UBE2E2: variants seen among roughly 807,000 people sequenced by gnomAD.
The protein encoded by UBE2E2 is ubiquitin conjugating enzyme E2 E2, also known as ubiquitin-conjugating enzyme E2 E2.
UBE2E2 carries 6 observed loss-of-function variants against 24.7 expected under a neutral mutation model. The observed-to-expected ratio is 0.24, with a 90% CI of 0.13 to 0.48. The LOEUF is 0.48. UBE2E2 is among the 20% of genes least tolerant of loss of function. The pLI is 0.99. For synonymous variants in UBE2E2, 104 were observed against 83.6 expected (o/e 1.24, Z -1.33); for missense variants, 169 against 245.0 (o/e 0.69, Z 2.07).
intron 3 of UBE2E2, among the ~76,000 whole-genome samples, chr3:23,470,587 T>C (rs1337915147): frequency 6.6e-6 from 1 of 152,216 alleles, no homozygotes; most frequent in Admixed American, 6.5e-5. Context: ...CTGAGATTAC[T>C]TTAAGTCTTT....
intron 3 of UBE2E2, among the ~76,000 whole-genome samples, chr3:23,488,595 C>T (rs1000916052): frequency 4.6e-5 from 7 of 151,992 alleles, no homozygotes; most frequent in African/African-American, 7.3e-5. Context: ...AGAATGATAC[C>T]GGGAAGCTTT....
intron 4 of UBE2E2, among the ~76,000 whole-genome samples, chr3:23,524,553 G>C (rs1694947168): frequency 6.6e-6 from 1 of 152,124 alleles, no homozygotes; most frequent in African/African-American, 2.4e-5. Flanking sequence ...CCCAAGTCCA[G>C]CTAACTCCCA....
chr3:23,506,254 C>T (rs1391756), intron 4 of UBE2E2, among the ~76,000 whole-genome samples: 1 of 152,068 alleles, frequency 6.6e-6, no homozygotes, highest in African/African-American at 2.4e-5. Context: ...TTCTTTCTTA[C>T]ATTTTGAATT....
chr3:23,222,302 G>A lies in UBE2E2; in HGVS notation c.227+4990G>A, dbSNP rs140190155. Among the ~76,000 whole-genome samples, 388 of 152,240 alleles carry A rather than the reference G, an allele frequency of 2.5e-3. 3 individuals are homozygous for A. The highest frequency in any genetic ancestry group is 8.9e-3 in the African/African-American group (371 of 41,546). ...TTTAGCTATTGTGAATGGTACTTGGGTAAACATGGAGGTGCAGATATCTCT... is the reference window on the plus strand; with the variant it reads ...TTTAGCTATTGTGAATGGTACTTGGATAAACATGGAGGTGCAGATATCTCT... On this transcript the variant is annotated intron_variant, in intron 3 of 5. Coordinates refer to ENST00000396703, the MANE Select transcript of UBE2E2 (RefSeq NM_152653.4).
intron 3 of UBE2E2, among the ~76,000 whole-genome samples, chr3:23,476,805 T>C (rs2125438686): frequency 6.6e-6 from 1 of 152,334 alleles, no homozygotes; most frequent in East Asian, 1.9e-4. Context: ...CTTTCTGTTA[T>C]AAAAGCTGTC....
chr3:23,303,170 T>C (rs980892387), intron 3 of UBE2E2, among the ~76,000 whole-genome samples: 1 of 152,050 alleles, frequency 6.6e-6, no homozygotes, highest in Admixed American at 6.6e-5. Flanking sequence ...TAGAATCTAA[T>C]GCATGATGAT....
intron 3 of UBE2E2, among the ~76,000 whole-genome samples, chr3:23,274,724 C>G (rs1698338600): frequency 6.6e-6 from 1 of 152,066 alleles, no homozygotes; most frequent in East Asian, 1.9e-4. Flanking sequence ...CAATTTAATC[C>G]TAGAATTCTT....
chr3:23,487,057 C>T (rs574721442), intron 3 of UBE2E2, among the ~76,000 whole-genome samples: 89 of 152,348 alleles, frequency 5.8e-4, no homozygotes, highest in Middle Eastern at 3.4e-3. Context: ...CAGGCCCATG[C>T]TGAGCTTCCC....
chr3:23,444,872 G>A (rs962561929), intron 3 of UBE2E2, among the ~76,000 whole-genome samples: 3 of 152,176 alleles, frequency 2.0e-5, no homozygotes, highest in African/African-American at 7.2e-5. Context: ...TGATAGATCA[G>A]TTATTTTATA....
chr3:23,464,363 T>TCA, intron 3 of UBE2E2, among the ~76,000 whole-genome samples: 1 of 152,138 alleles, frequency 6.6e-6, no homozygotes, highest in African/African-American at 2.4e-5. Context: ...CAGTAAACTA[T>TCA]ATTGGTTGCA....
chr3:23,488,626 G>A (rs1699431235), intron 3 of UBE2E2, among the ~76,000 whole-genome samples: 1 of 152,158 alleles, frequency 6.6e-6, no homozygotes, highest in East Asian at 1.9e-4. Flanking sequence ...GTGTATGAGT[G>A]GTAACATTTT....
chr3:23,482,463 C>T (rs1699277418), intron 3 of UBE2E2, among the ~76,000 whole-genome samples: 1 of 152,022 alleles, frequency 6.6e-6, no homozygotes, highest in Non-Finnish European at 1.5e-5. Flanking sequence ...GCCTTCAGAG[C>T]TCAATTAATT....
chr3:23,499,848 C>T (rs2125455922), intron 4 of UBE2E2, 108 bp downstream of exon 4: 1 of 1,302,006 alleles, frequency 7.7e-7, no homozygotes, highest in South Asian at 1.8e-5. Flanking sequence ...TCTGTTGTCA[C>T]AGACAGCTTC....
intron 3 of UBE2E2, among the ~76,000 whole-genome samples, chr3:23,300,443 A>G (rs1434532221): frequency 1.3e-5 from 2 of 152,140 alleles, no homozygotes; most frequent in Non-Finnish European, 2.9e-5. Context: ...TTCCATGTTT[A>G]GTGCTTCCTT....
chr3:23,567,867 CTG>C (rs1450265129), intron 5 of UBE2E2, among the ~76,000 whole-genome samples: 1 of 152,202 alleles, frequency 6.6e-6, no homozygotes, highest in Admixed American at 6.5e-5. Context: ...GAAAGAGACA[CTG>C]CATCCCTCAA....
intron 3 of UBE2E2, among the ~76,000 whole-genome samples, chr3:23,370,969 C>G (rs1038787686): frequency 6.6e-6 from 1 of 152,168 alleles, no homozygotes; most frequent in African/African-American, 2.4e-5. Context: ...TAGTTAGAGT[C>G]TGAGTAACTA....
intron 3 of UBE2E2, among the ~76,000 whole-genome samples, chr3:23,377,347 T>A (rs956147531): frequency 6.6e-6 from 1 of 152,354 alleles, no homozygotes; most frequent in South Asian, 2.1e-4. Context: ...CTTGGCTCAC[T>A]GTAATAGTAA....
chr3:23,572,153 G>C (rs1156775359), intron 5 of UBE2E2, among the ~76,000 whole-genome samples: 1 of 152,050 alleles, frequency 6.6e-6, no homozygotes, highest in Non-Finnish European at 1.5e-5. Flanking sequence ...TCCATTATTT[G>C]ATTTAAATCA....
At chr3:23,496,343 C>A (rs911813726) in intron 3 of UBE2E2, among the ~76,000 whole-genome samples, 25 of 152,108 alleles carry the variant, frequency 1.6e-4, no homozygotes, top group African/African-American at 6.0e-4. Flanking sequence ...GAATCCACTG[C>A]ACACACTGAG....
Sources: allele counts gnomAD v4.1 joint callset (sites outside exome capture counted in the v4.1 genomes callset), GRCh38; gene constraint gnomAD v4.1.1; transcripts MANE v1.5; gene names NCBI Gene and HGNC (gene_info 2026-07-23, HGNC 2026-07-21).